Variants in XNDC1N observed in about 807,000 individuals in gnomAD.
The protein encoded by XNDC1N is protein XNDC1N.
At chr11:71,889,253 C>T in the XNDC1N span, among the ~76,000 whole-genome samples, 3 of 152,184 alleles carry the variant, frequency 2.0e-5, no homozygotes, top group African/African-American at 7.2e-5. Flanking sequence ...AGGGAAGAGA[C>T]AGAAAATATC....
the XNDC1N span, among the ~76,000 whole-genome samples, chr11:71,877,498 C>A: frequency 6.6e-6 from 1 of 152,160 alleles, no homozygotes; most frequent in Non-Finnish European, 1.5e-5. Flanking sequence ...CTTAGCCAGG[C>A]ATGGAGACGT....
chr11:71,905,746 T>A, the XNDC1N span, among the ~76,000 whole-genome samples: 4 of 151,964 alleles, frequency 2.6e-5, no homozygotes, highest in Non-Finnish European at 5.9e-5. Context: ...AGAAGTAATG[T>A]TTACCATGGA....
the XNDC1N span, among the ~76,000 whole-genome samples, chr11:71,883,396 T>G: frequency 6.6e-6 from 1 of 152,182 alleles, no homozygotes; most frequent in Non-Finnish European, 1.5e-5. Context: ...GATAGACATA[T>G]AGGCCACTGG....
the XNDC1N span, chr11:71,917,305 C>T: frequency 4.7e-5 from 31 of 666,342 alleles, no homozygotes; most frequent in Middle Eastern, 2.7e-4. Context: ...TGAGCCACCA[C>T]GCCTGGCCAC....
At chr11:71,926,755 G>A in the XNDC1N span, among the ~76,000 whole-genome samples, 4,900 of 151,998 alleles carry the variant, frequency 0.032, 75 homozygotes, top group East Asian at 0.079. Context: ...ACAAAAATTA[G>A]CTGGGTGTGG....
chr11:71,888,147 A>T, the XNDC1N span, among the ~76,000 whole-genome samples: 2 of 152,150 alleles, frequency 1.3e-5, no homozygotes, highest in Admixed American at 6.5e-5. Context: ...GATGCCCTAC[A>T]CCGGCACCTG....
chr11:71,891,572 C>T, the XNDC1N span, among the ~76,000 whole-genome samples: 3 of 152,076 alleles, frequency 2.0e-5, no homozygotes, highest in Non-Finnish European at 2.9e-5. Context: ...GAGAAAGATA[C>T]CACACCGCGG....
the XNDC1N span, chr11:71,923,252 T>C: frequency 2.9e-6 from 2 of 700,796 alleles, no homozygotes; most frequent in Non-Finnish European, 5.2e-6. Flanking sequence ...AAGACTCCTA[T>C]TTTTTTCACT....
At chr11:71,915,355 G>A in the XNDC1N span, among the ~76,000 whole-genome samples, 1 of 151,940 alleles carries the variant, frequency 6.6e-6, no homozygotes, top group Non-Finnish European at 1.5e-5. Flanking sequence ...GGCTGAGGCA[G>A]GAGAATGGCA....
chr11:71,924,894 T>C, the XNDC1N span, among the ~76,000 whole-genome samples: 1 of 152,152 alleles, frequency 6.6e-6, no homozygotes, highest in African/African-American at 2.4e-5. Flanking sequence ...TATTTATCCC[T>C]GTCCATTTTA....
At chr11:71,893,884 C>T in the XNDC1N span, 31 of 946,750 alleles carry the variant, frequency 3.3e-5, no homozygotes, top group African/African-American at 4.9e-4. Flanking sequence ...CGTGAATCCT[C>T]ACCTCTGTGT....
chr11:71,894,062 T>G, the XNDC1N span: 2 of 534,328 alleles, frequency 3.7e-6, no homozygotes, highest in African/African-American at 2.0e-5. Flanking sequence ...AATAGCATAT[T>G]CATGCATTTC....
At chr11:71,916,378 T>A in the XNDC1N span, 1 of 614,364 alleles carries the variant, frequency 1.6e-6, no homozygotes, top group South Asian at 1.9e-5. Context: ...AAGAAGGAGG[T>A]CTTCAGTAAA....
chr11:71,907,472 C>T, the XNDC1N span, among the ~76,000 whole-genome samples: 1 of 46,114 alleles, frequency 2.2e-5, no homozygotes, highest in Non-Finnish European at 1.4e-4. Flanking sequence ...CCCCTCTTGC[C>T]CCCCCTGGCT....
At chr11:71,925,547 C>G in the XNDC1N span, among the ~76,000 whole-genome samples, 2 of 152,134 alleles carry the variant, frequency 1.3e-5, no homozygotes, top group Non-Finnish European at 2.9e-5. Flanking sequence ...AATTAAAGCT[C>G]ACTATTCCCA....
chr11:71,898,295 GAAAT>G, the XNDC1N span, among the ~76,000 whole-genome samples: 3 of 152,064 alleles, frequency 2.0e-5, no homozygotes, highest in South Asian at 4.2e-4. Flanking sequence ...TATCGTCAGT[GAAAT>G]AAATAAATCC....
At chr11:71,919,868 C>T in the XNDC1N span, among the ~76,000 whole-genome samples, 2 of 145,944 alleles carry the variant, frequency 1.4e-5, no homozygotes, top group East Asian at 2.1e-4. Context: ...CCGCCCGCCT[C>T]GGCCTCCCAA....
At chr11:71,878,303 T>C in the XNDC1N span, 15 of 780,274 alleles carry the variant, frequency 1.9e-5, no homozygotes, top group African/African-American at 1.9e-4. Flanking sequence ...TGTCTCCTGA[T>C]ATAAAATCTC....
At chr11:71,925,621 A>G in the XNDC1N span, among the ~76,000 whole-genome samples, 1 of 152,192 alleles carries the variant, frequency 6.6e-6, no homozygotes, top group Admixed American at 6.5e-5. Flanking sequence ...AGATATAAAA[A>G]TAATAAAAAT....
Sources: gnomAD v4.1 joint callset for allele counts (sites outside exome capture counted in the v4.1 genomes callset) on GRCh38, gnomAD v4.1.1 for gene constraint, MANE v1.5 for transcripts, NCBI Gene and HGNC (gene_info 2026-07-23, HGNC 2026-07-21) for gene names.